RORA: variants seen among roughly 807,000 people sequenced by gnomAD.
RORA encodes the protein RAR related orphan receptor A.
A neutral mutation model predicts 69.5 loss-of-function variants in RORA; 7 were observed. That is an observed-to-expected ratio of 0.10 (90% CI 0.06 to 0.19). The LOEUF (loss-of-function observed/expected upper bound fraction) is 0.19. Among genes scored for constraint, RORA ranks in the 10% least tolerant of loss-of-function variants. The pLI, the probability that RORA is intolerant of heterozygous loss-of-function variation, is 1.00. For synonymous variants in RORA, 261 were observed against 240.8 expected (o/e 1.08, Z -0.78); for missense variants, 457 against 663.0 (o/e 0.69, Z 3.41).
intron 1 of RORA, among the ~76,000 whole-genome samples, chr15:60,713,833 T>G (rs151041780): frequency 2.4e-3 from 365 of 152,312 alleles, no homozygotes; most frequent in African/African-American, 8.5e-3. Context: ...TTTAATTTTC[T>G]AAGGAAAGCA....
chr15:61,036,225 C>G (rs773156422), intron 1 of RORA, among the ~76,000 whole-genome samples: 1 of 152,124 alleles, frequency 6.6e-6, no homozygotes, highest in Non-Finnish European at 1.5e-5. Flanking sequence ...AGCCAGAATT[C>G]TACTAGAAAG....
intron 1 of RORA, among the ~76,000 whole-genome samples, chr15:60,868,865 C>T (rs866140121): frequency 1.3e-5 from 2 of 152,290 alleles, no homozygotes; most frequent in Middle Eastern, 3.4e-3. Flanking sequence ...TTCATGCCTT[C>T]CTGTCTATCT....
At chr15:60,802,105 A>C (rs2072590607) in intron 1 of RORA, among the ~76,000 whole-genome samples, 1 of 152,186 alleles carries the variant, frequency 6.6e-6, no homozygotes, top group Non-Finnish European at 1.5e-5. Context: ...GTTGGGTAAA[A>C]ACAGGCACCA....
At chr15:60,929,922 A>G (rs1359523557) in intron 1 of RORA, among the ~76,000 whole-genome samples, 1 of 152,090 alleles carries the variant, frequency 6.6e-6, no homozygotes, top group Non-Finnish European at 1.5e-5. Flanking sequence ...CATATGGTTT[A>G]TGGAGCACAT....
At chr15:61,095,798 T>G (rs1055406610) in intron 1 of RORA, among the ~76,000 whole-genome samples, 6 of 152,206 alleles carry the variant, frequency 3.9e-5, no homozygotes, top group African/African-American at 1.4e-4. Flanking sequence ...CCTGGCCTTT[T>G]GAGGCAGCCC....
chr15:60,752,850 G>A (rs1392294858), intron 1 of RORA, among the ~76,000 whole-genome samples: 1 of 152,146 alleles, frequency 6.6e-6, no homozygotes, highest in Non-Finnish European at 1.5e-5. Context: ...GAAACAAACT[G>A]TACCTTTCAG....
intron 1 of RORA, among the ~76,000 whole-genome samples, chr15:60,889,962 C>G (rs944638885): frequency 6.6e-6 from 1 of 152,154 alleles, no homozygotes; most frequent in African/African-American, 2.4e-5. Context: ...TAAACAGCAT[C>G]AAGTAATTTA....
intron 1 of RORA, among the ~76,000 whole-genome samples, chr15:60,883,127 T>A (rs1182346264): frequency 1.2e-4 from 2 of 16,858 alleles, no homozygotes; most frequent in Admixed American, 9.1e-4. Flanking sequence ...AGAGACATCG[T>A]CTCAAAAAAA....
chr15:60,699,724 A>G (rs1321254629), intron 1 of RORA, among the ~76,000 whole-genome samples: 1 of 150,142 alleles, frequency 6.7e-6, no homozygotes, highest in Non-Finnish European at 1.5e-5. Context: ...TCTGTAACAG[A>G]TTACTGGTAT....
intron 1 of RORA, among the ~76,000 whole-genome samples, chr15:60,988,241 C>T (rs1308033677): frequency 6.6e-6 from 1 of 152,164 alleles, no homozygotes; most frequent in African/African-American, 2.4e-5. Flanking sequence ...AGGGAAGACA[C>T]TGGGGGCAAG....
chr15:61,064,811 T>G (rs765545010), intron 1 of RORA, among the ~76,000 whole-genome samples: 17 of 152,216 alleles, frequency 1.1e-4, no homozygotes, highest in Non-Finnish European at 1.9e-4. Context: ...AGCAGAACTC[T>G]AGAATTTCTA....
chr15:60,548,595 G>C (rs962984192), intron 2 of RORA, among the ~76,000 whole-genome samples: 1 of 152,176 alleles, frequency 6.6e-6, no homozygotes, highest in Non-Finnish European at 1.5e-5. Flanking sequence ...TGGGAGGCAC[G>C]AAGTATAACT....
Position 60,875,517 on chromosome 15 carries a change from T to C in RORA, c.167-196831A>G, listed in dbSNP as rs115519274. On this transcript the variant is annotated intron_variant, in intron 1 of 10. Transcript: ENST00000335670. ...CCTTCCTGGATCTCGGTAAATCATGTGATCCATGAGTAATAAATGTTGGGT... is the reference window on the plus strand; with the variant it reads ...CCTTCCTGGATCTCGGTAAATCATGCGATCCATGAGTAATAAATGTTGGGT... 7.8e-3 allele frequency among the ~76,000 whole-genome samples: 1,183 copies of C among 152,310 alleles called. 22 individuals are homozygous for C. Among genetic ancestry groups the C allele is most frequent in the African/African-American group, 0.027 (1,136 of 41,570 alleles).
rs189142710 is a variant in RORA at position 61,142,821 on chromosome 15, T to C, written c.166+86232A>G. Among the ~76,000 whole-genome samples the C allele has an allele frequency of 1.1e-4, 16 of 152,314 alleles. No individual in the cohort carries two copies. The East Asian group carries it at 2.1e-3, about 20-fold the overall frequency. On this transcript the variant is annotated intron_variant, in intron 1 of 10. Coordinates refer to ENST00000335670, the MANE Select transcript of RORA (RefSeq NM_134261.3). The stretch of plus-strand genomic sequence containing the variant: ...AAAATCAAAATCCATTCTGATTTAA[T>C]AGGCCCTTAATAAAATAGAAATCCA...
chr15:60,929,171 T>C (rs1892301860), intron 1 of RORA, among the ~76,000 whole-genome samples: 1 of 152,076 alleles, frequency 6.6e-6, no homozygotes, highest in Admixed American at 6.6e-5. Context: ...ACAAAGAGGG[T>C]AATTTATCAT....
intron 1 of RORA, among the ~76,000 whole-genome samples, chr15:61,150,855 A>T (rs1468890660): frequency 6.6e-6 from 1 of 152,208 alleles, no homozygotes; most frequent in Non-Finnish European, 1.5e-5. Flanking sequence ...ATCAGTGGGC[A>T]TTTGTAATCA....
At chr15:60,949,334 T>C (rs1893007646) in intron 1 of RORA, among the ~76,000 whole-genome samples, 1 of 151,974 alleles carries the variant, frequency 6.6e-6, no homozygotes, top group East Asian at 1.9e-4. Context: ...TCAGGCTGTT[T>C]ATCAGCACTG....
intron 2 of RORA, among the ~76,000 whole-genome samples, chr15:60,607,128 A>G (rs1596049313): frequency 6.6e-6 from 1 of 152,338 alleles, no homozygotes; most frequent in East Asian, 1.9e-4. Flanking sequence ...AAAAAATGAT[A>G]AAAAGTTAGA....
intron 1 of RORA, among the ~76,000 whole-genome samples, chr15:60,722,914 G>A (rs2071311894): frequency 1.3e-5 from 2 of 152,128 alleles, no homozygotes; most frequent in Non-Finnish European, 2.9e-5. Flanking sequence ...GGTGCAGTGA[G>A]TCAGGCAGCC....
Sources: gnomAD v4.1 joint callset for allele counts (sites outside exome capture counted in the v4.1 genomes callset) on GRCh38, gnomAD v4.1.1 for gene constraint, MANE v1.5 for transcripts, NCBI Gene and HGNC (gene_info 2026-07-23, HGNC 2026-07-21) for gene names.